MICAL3: variants seen among roughly 807,000 people sequenced by gnomAD.
The protein encoded by MICAL3 is microtubule associated monooxygenase, calponin and LIM domain containing 3, also known as [F-actin]-monooxygenase MICAL3.
In MICAL3, 62 loss-of-function variants were observed where a neutral mutation model predicts 207.4. The ratio of observed to expected loss-of-function variants is 0.30; its 90% CI spans 0.24 to 0.37. The LOEUF (loss-of-function observed/expected upper bound fraction) is 0.37. MICAL3 is among the 10% of genes least tolerant of loss of function. The pLI is 1.00. For synonymous variants in MICAL3, 1,077 were observed against 1,069.3 expected (o/e 1.01, Z -0.14); for missense variants, 2,368 against 2,635.6 (o/e 0.90, Z 2.22).
At chr22:17,881,931 G>A (rs1395597620) in intron 16 of MICAL3, among the ~76,000 whole-genome samples, 1 of 152,190 alleles carries the variant, frequency 6.6e-6, no homozygotes, top group Non-Finnish European at 1.5e-5. Context: ...TCGAGAGTCT[G>A]TCTACAATTT....
At chr22:17,919,403 T>G (rs1200518066) in intron 1 of MICAL3, among the ~76,000 whole-genome samples, 4 of 152,206 alleles carry the variant, frequency 2.6e-5, no homozygotes, top group Admixed American at 6.5e-5. Context: ...CAATGTAAGT[T>G]CTGGAAGGGT....
intron 16 of MICAL3, among the ~76,000 whole-genome samples, chr22:17,882,407 T>C (rs1247986828): frequency 1.3e-5 from 2 of 152,190 alleles, no homozygotes; most frequent in African/African-American, 4.8e-5. Flanking sequence ...AATGGGATGC[T>C]GCCAGTCAGC....
chr22:17,858,266 C>T lies in MICAL3; in HGVS notation c.2605+6633G>A, dbSNP rs114916104. Among the ~76,000 whole-genome samples the T allele has an allele frequency of 4.1e-3, 623 of 152,250 alleles. 2 individuals carry two copies. The highest frequency in any genetic ancestry group is 0.014 in the African/African-American group (597 of 41,530). Reference sequence around the variant, plus strand: ...CCAACAGGGTGCTGAGAATTCCGGGCGGTGGTGAGAGGAGCCCACAGTGCC... The same window carrying T: ...CCAACAGGGTGCTGAGAATTCCGGGTGGTGGTGAGAGGAGCCCACAGTGCC... On this transcript the variant is annotated intron_variant, in intron 19 of 31. Transcript: ENST00000441493.
chr22:17,832,118 A>G lies in MICAL3; in HGVS notation c.2802-11T>C. 2 of 1,560,732 alleles carry G rather than the reference A, an allele frequency of 1.3e-6. No individual in the cohort carries two copies. Among genetic ancestry groups the G allele is most frequent in the Non-Finnish European group, 1.7e-6 (2 of 1,152,570 alleles). On this transcript the variant is annotated splice_polypyrimidine_tract_variant and intron_variant, in intron 20 of 31. Transcript: ENST00000441493. ...TCAGACTCGGAACTACTGTGAGGAA[A>G]TAACCACATAGCCAGAGTGAGGGAA... is the stretch of plus-strand genomic sequence containing the variant.
chr22:17,942,718 C>T (rs1933869886), intron 1 of MICAL3, among the ~76,000 whole-genome samples: 1 of 152,208 alleles, frequency 6.6e-6, no homozygotes, highest in South Asian at 2.1e-4. Context: ...AGATGACAAG[C>T]ACCTAGAGAT....
chr22:17,993,639 C>T (rs1262957563), intron 1 of MICAL3, among the ~76,000 whole-genome samples: 5 of 152,108 alleles, frequency 3.3e-5, no homozygotes, highest in South Asian at 2.1e-4. Flanking sequence ...AAGTGCCCCC[C>T]GGGAAGCCCC....
chr22:18,018,058 T>C (rs779937619), intron 1 of MICAL3, among the ~76,000 whole-genome samples: 6 of 151,962 alleles, frequency 3.9e-5, no homozygotes, highest in Admixed American at 3.3e-4. Context: ...GTATTTTTAA[T>C]AGAGAAGGGG....
intron 19 of MICAL3, among the ~76,000 whole-genome samples, chr22:17,852,246 T>A (rs1925415905): frequency 6.6e-6 from 1 of 152,204 alleles, no homozygotes; most frequent in Admixed American, 6.5e-5. Flanking sequence ...GCAGATGTGT[T>A]TTTGGAAAGA....
intron 27 of MICAL3, among the ~76,000 whole-genome samples, chr22:17,811,853 TC>T (rs2062051809): frequency 6.6e-6 from 1 of 152,126 alleles, no homozygotes; most frequent in Non-Finnish European, 1.5e-5. Context: ...CACGTGATCC[TC>T]CCGCCTCAGC....
At chr22:17,874,913 A>G (rs796361088) in intron 16 of MICAL3, among the ~76,000 whole-genome samples, 21 of 152,334 alleles carry the variant, frequency 1.4e-4, no homozygotes, top group African/African-American at 4.8e-4. Flanking sequence ...CAACTCAGGC[A>G]TGGGAAATAC....
chr22:17,908,039 G>C (rs953952824), intron 1 of MICAL3, among the ~76,000 whole-genome samples: 1 of 152,216 alleles, frequency 6.6e-6, no homozygotes, highest in Non-Finnish European at 1.5e-5. Context: ...ACCGGCTCCT[G>C]TGAGTCTGCA....
intron 1 of MICAL3, among the ~76,000 whole-genome samples, chr22:17,967,492 A>ACACACC (rs1556491453): frequency 6.7e-6 from 1 of 148,612 alleles, no homozygotes; most frequent in Admixed American, 6.7e-5. Context: ...ACACACACAC[A>ACACACC]CCCACACACA....
chr22:17,935,460 T>C (rs1933471065), intron 1 of MICAL3, among the ~76,000 whole-genome samples: 1 of 152,198 alleles, frequency 6.6e-6, no homozygotes, highest in Non-Finnish European at 1.5e-5. Flanking sequence ...ATGTTAGACC[T>C]AAAATCATAA....
chr22:17,988,628 TG>T (rs1175625175), intron 1 of MICAL3, among the ~76,000 whole-genome samples: 2 of 152,082 alleles, frequency 1.3e-5, no homozygotes, highest in East Asian at 3.9e-4. Flanking sequence ...CTAATTTTTT[TG>T]TATTTTTAGT....
chr22:17,972,973 C>T (rs1935485877), intron 1 of MICAL3, among the ~76,000 whole-genome samples: 3 of 152,216 alleles, frequency 2.0e-5, no homozygotes, highest in Admixed American at 6.5e-5. Context: ...AGGCATGTTG[C>T]GCCTTGCCCA....
At chr22:17,976,490 C>T (rs996620894) in intron 1 of MICAL3, among the ~76,000 whole-genome samples, 2 of 145,216 alleles carry the variant, frequency 1.4e-5, no homozygotes, top group South Asian at 4.4e-4. Flanking sequence ...TATTTTAAAT[C>T]AGTGGCATGA....
intron 10 of MICAL3, among the ~76,000 whole-genome samples, chr22:17,894,752 G>A (rs1232009453): frequency 6.7e-5 from 10 of 148,582 alleles, no homozygotes; most frequent in Admixed American, 3.4e-4. Flanking sequence ...AGCCAAGATC[G>A]TGCCACCACA....
At chr22:17,791,517 G>C (rs1398815801) in intron 29 of MICAL3, 1 of 581,260 alleles carries the variant, frequency 1.7e-6, no homozygotes, top group Non-Finnish European at 3.1e-6. Context: ...TGTTCACCCC[G>C]TCAGCGACCT....
At chr22:17,864,022 C>G in intron 19 of MICAL3, 1 of 985,696 alleles carries the variant, frequency 1.0e-6, no homozygotes, top group Non-Finnish European at 1.2e-6. Context: ...CCACCTGGAG[C>G]TGTATGTGGG....
Sources: gnomAD v4.1 joint callset for allele counts (sites outside exome capture counted in the v4.1 genomes callset) on GRCh38, gnomAD v4.1.1 for gene constraint, MANE v1.5 for transcripts, NCBI Gene and HGNC (gene_info 2026-07-23, HGNC 2026-07-21) for gene names.